PRELID2: variants seen among roughly 807,000 people sequenced by gnomAD.
The protein encoded by PRELID2 is PRELI domain containing 2, also known as PRELI domain-containing protein 2.
A neutral mutation model predicts 28.4 loss-of-function variants in PRELID2; 25 were observed. That is an observed-to-expected ratio of 0.88 (90% confidence interval 0.64 to 1.23). PRELID2 has a LOEUF of 1.23. Among genes scored for constraint, PRELID2 ranks in the 50% most tolerant of loss-of-function variants. PRELID2 has a pLI of 0.00. For synonymous variants in PRELID2, 76 were observed against 71.6 expected, an observed-to-expected ratio of 1.06 and a Z score of -0.31; for missense variants, 201 against 214.4, an observed-to-expected ratio of 0.94 and a Z score of 0.39.
the PRELID2 span, among the ~76,000 whole-genome samples, chr5:145,334,775 T>G: frequency 6.6e-6 from 1 of 151,620 alleles, no homozygotes; most frequent in African/African-American, 2.4e-5. Context: ...TTGTCAGTTT[T>G]TTTTTTTTTT....
chr5:145,815,113 AT>A (rs1754208981), intron 4 of PRELID2, among the ~76,000 whole-genome samples: 1 of 152,174 alleles, frequency 6.6e-6, no homozygotes, highest in South Asian at 2.1e-4. Context: ...TAGAGACTGC[AT>A]TTTGGGATTG....
chr5:145,403,284 C>T, the PRELID2 span, among the ~76,000 whole-genome samples: 1,545 of 152,240 alleles, frequency 0.01, 18 homozygotes, highest in African/African-American at 0.036. Flanking sequence ...ATGTCTGTAA[C>T]CCCAGCACTT....
At chr5:145,660,919 T>C (rs965624713) in intron 1 of PRELID2, among the ~76,000 whole-genome samples, 1 of 152,206 alleles carries the variant, frequency 6.6e-6, no homozygotes, top group East Asian at 1.9e-4. Context: ...ATAAACACTA[T>C]TTGTAGATCG....
chr5:145,706,857 G>A (rs1161894596), intron 1 of PRELID2, among the ~76,000 whole-genome samples: 2 of 152,140 alleles, frequency 1.3e-5, no homozygotes, highest in African/African-American at 2.4e-5. Context: ...CATCCACCTG[G>A]CAGCTGGCAA....
At chr5:145,391,236 A>T in the PRELID2 span, among the ~76,000 whole-genome samples, 1 of 152,214 alleles carries the variant, frequency 6.6e-6, no homozygotes, top group Admixed American at 6.5e-5. Context: ...TTGCCTAGAC[A>T]TCCAGGCATT....
the PRELID2 span, among the ~76,000 whole-genome samples, chr5:145,444,336 G>A: frequency 9.2e-5 from 14 of 151,988 alleles, no homozygotes; most frequent in Admixed American, 3.3e-4. Flanking sequence ...ACTGGATTCC[G>A]AACATTCATT....
chr5:145,378,620 AT>A, the PRELID2 span, among the ~76,000 whole-genome samples: 3 of 152,012 alleles, frequency 2.0e-5, no homozygotes, highest in Non-Finnish European at 2.9e-5. Context: ...CTTGTAGTGT[AT>A]TTTTTGGCTC....
intron 4 of PRELID2, among the ~76,000 whole-genome samples, chr5:145,814,480 C>T (rs1174371979): frequency 6.6e-6 from 1 of 152,040 alleles, no homozygotes; most frequent in African/African-American, 2.4e-5. Context: ...AGCAAGCCCA[C>T]CTCTGATGCC....
chr5:145,305,816 C>G, the PRELID2 span, among the ~76,000 whole-genome samples: 2 of 152,190 alleles, frequency 1.3e-5, no homozygotes, highest in African/African-American at 2.4e-5. Context: ...CAGTTACTCT[C>G]ATGACAAATA....
In PRELID2 at chr5:145,741,974, ATT is replaced by A. The variant is rs1192552307; in HGVS notation, n.70+22955_70+22956del. ...TTATTATAATTAAATAAATAAATTT[ATT>A]TAATTATAATAAATTTATTATAAAT... On this transcript the variant is annotated intron_variant and non_coding_transcript_variant, in intron 1 of 2. Transcript: ENST00000510259. 1.4e-4 allele frequency among the ~76,000 whole-genome samples: 5 copies of A among 36,054 alleles called. 1 individual carries two copies. Among genetic ancestry groups the A allele is most frequent in the African/African-American group, 3.8e-4 (5 of 13,158 alleles). 23.7% of individuals were successfully genotyped at this position (36,054 alleles called of 152,430 possible).
intron 1 of PRELID2, among the ~76,000 whole-genome samples, chr5:145,825,253 A>AAAAAAAAAAAAAAAAAAAAAAAAAAAG (rs1561654992): frequency 7.0e-6 from 1 of 143,878 alleles, no homozygotes. Context: ...AAAAAAAAAA[A>AAAAAAAAAAAAAAAAAAAAAAAAAAAG]AAAAAAACTT....
intron 4 of PRELID2, among the ~76,000 whole-genome samples, chr5:145,815,587 T>C (rs756070771): frequency 2.0e-5 from 3 of 152,218 alleles, no homozygotes; most frequent in Non-Finnish European, 4.4e-5. Flanking sequence ...CCGTAACCCA[T>C]GGAAACCAAT....
chr5:145,827,118 T>C (rs1006525031), intron 1 of PRELID2, among the ~76,000 whole-genome samples: 1 of 152,228 alleles, frequency 6.6e-6, no homozygotes, highest in African/African-American at 2.4e-5. Flanking sequence ...GTAAGTCTGG[T>C]ATATTAACAT....
chr5:145,270,603 T>C, the PRELID2 span, among the ~76,000 whole-genome samples: 63 of 152,274 alleles, frequency 4.1e-4, no homozygotes, highest in African/African-American at 1.5e-3. Context: ...ATTTCTTACC[T>C]ATTATGATTA....
chr5:145,605,356 G>T (rs1277138878), intron 1 of PRELID2, among the ~76,000 whole-genome samples: 1 of 152,032 alleles, frequency 6.6e-6, no homozygotes, highest in African/African-American at 2.4e-5. Context: ...TGTATACGGT[G>T]TAAGGAAGGG....
chr5:145,615,428 G>A (rs59681525), intron 1 of PRELID2, among the ~76,000 whole-genome samples: 5,112 of 137,346 alleles, frequency 0.037, 326 homozygotes, highest in African/African-American at 0.14. Flanking sequence ...TGGGGTTCAC[G>A]CCATTCTCCT....
chr5:145,733,204 G>A (rs547344894), intron 1 of PRELID2, among the ~76,000 whole-genome samples: 2 of 152,228 alleles, frequency 1.3e-5, no homozygotes, highest in East Asian at 3.9e-4. Context: ...CAAGGCTGCA[G>A]TGAGCTGTGA....
At position 145,552,907 on chromosome 5, in the gene PRELID2, C is replaced by T. The variant is rs373103631; in HGVS notation, n.71-79592G>A. On this transcript the variant is annotated intron_variant and non_coding_transcript_variant, in intron 1 of 2. Transcript: ENST00000510259. ...CTTTTAGCAGCTTACTGAGAATCCTCAATGTTTATATGTTAATACCTGAAA... is the reference window on the plus strand; with the variant it reads ...CTTTTAGCAGCTTACTGAGAATCCTTAATGTTTATATGTTAATACCTGAAA... Among the ~76,000 whole-genome samples, 27 of 152,220 alleles carry T rather than the reference C, an allele frequency of 1.8e-4. No individual in the cohort carries two copies. In the East Asian group the frequency reaches 1.9e-3, roughly 11 times the overall value.
intron 1 of PRELID2, among the ~76,000 whole-genome samples, chr5:145,554,164 A>G (rs1358718892): frequency 2.6e-5 from 4 of 152,242 alleles, no homozygotes; most frequent in Non-Finnish European, 4.4e-5. Flanking sequence ...AGAATCAACT[A>G]CAAATACATT....
Sources: gnomAD v4.1 joint callset for allele counts (sites outside exome capture counted in the v4.1 genomes callset) on GRCh38, gnomAD v4.1.1 for gene constraint, MANE v1.5 for transcripts, NCBI Gene and HGNC (gene_info 2026-07-23, HGNC 2026-07-21) for gene names.